The following GUCA1B variants were observed in gnomAD, a reference collection of about 807,000 sequenced individuals.
GUCA1B encodes the protein guanylate cyclase activator 1B.
GUCA1B carries 22 observed loss-of-function variants against 24.2 expected under a neutral mutation model. The observed-to-expected ratio is 0.91, with a 90% CI of 0.65 to 1.30. The LOEUF is 1.30. GUCA1B is among the 50% of genes most tolerant of loss of function. The pLI, the probability that GUCA1B is intolerant of heterozygous loss-of-function variation, is 0.00. For synonymous variants in GUCA1B, 100 were observed against 97.9 expected (o/e 1.02, Z -0.13); for missense variants, 221 against 258.8 (o/e 0.85, Z 1.00).
intron 1 of GUCA1B, among the ~76,000 whole-genome samples, chr6:42,190,671 G>C (rs1768289778): frequency 6.6e-6 from 1 of 152,140 alleles, no homozygotes; most frequent in Non-Finnish European, 1.5e-5. Context: ...AGGCCACCCA[G>C]CCAGCAAGTG....
chr6:42,192,276 C>T (rs1768318950), intron 1 of GUCA1B, among the ~76,000 whole-genome samples: 1 of 132,164 alleles, frequency 7.6e-6, no homozygotes, highest in East Asian at 2.6e-4. Flanking sequence ...ATCGCTTGAA[C>T]CTGGGAGGTG....
Position 42,192,541 on chromosome 6 carries a change from G to A in GUCA1B, c.207+2073C>T, listed in dbSNP as rs1298321727. Among the ~76,000 whole-genome samples the A allele has an allele frequency of 4.0e-5, 6 of 151,796 alleles. No individual in the cohort carries two copies. In the South Asian group the frequency reaches 6.3e-4, roughly 16 times the overall value. ...AGTCTGGTCAACATGGTGAAACCCC[G>A]TTTCTACTAAAAATACAAAAATTAG... On this transcript the variant is annotated intron_variant, in intron 1 of 3. Coordinates refer to ENST00000230361, the MANE Select transcript of GUCA1B (RefSeq NM_002098.6).
intron 3 of GUCA1B, 138 bp from the exon 4 acceptor site, chr6:42,185,080 G>A (rs928212238): frequency 1.5e-5 from 11 of 738,242 alleles, no homozygotes; most frequent in Non-Finnish European, 2.3e-5. Flanking sequence ...TCAAGCTTGC[G>A]GCTTGTCAGG....
chr6:42,185,633 C>T (rs373877550), intron 3 of GUCA1B, 47 bp downstream of exon 3: 26 of 1,155,202 alleles, frequency 2.3e-5, no homozygotes, highest in African/African-American at 1.5e-4. Context: ...CAGAAAGTGG[C>T]GATGATGCAG....
chr6:42,186,146 AGAG>A (rs1468019080), intron 2 of GUCA1B, among the ~76,000 whole-genome samples: 1 of 152,240 alleles, frequency 6.6e-6, no homozygotes, highest in East Asian at 1.9e-4. Context: ...ATAGAGATGC[AGAG>A]AAGAAAATTC....
chr6:42,192,052 GA>G (rs71545939), intron 1 of GUCA1B, among the ~76,000 whole-genome samples: 73,376 of 132,854 alleles, frequency 0.55, 21,167 homozygotes, highest in East Asian at 0.83. Flanking sequence ...AAAAAAAAAA[GA>G]AAAAAAAAAA....
intron 1 of GUCA1B, among the ~76,000 whole-genome samples, chr6:42,190,280 A>G (rs868349162): frequency 1.3e-5 from 2 of 151,656 alleles, no homozygotes; most frequent in Middle Eastern, 3.4e-3. Flanking sequence ...TTGAGGTCAG[A>G]TTATATTTAT....
In GUCA1B at chr6:42,184,326, C is replaced by T. The variant is rs1038695338; in HGVS notation, c.*489G>A. 4.1e-5 allele frequency: 9 copies of T among 217,770 alleles called. No individual in the cohort carries two copies. Among genetic ancestry groups the T allele is most frequent in the Admixed American group, 5.1e-5 (1 of 19,626 alleles). The allele number at this position is 217,770 out of a possible 1,614,324, so 13.5% of individuals were successfully genotyped here. On this transcript the variant is annotated 3_prime_UTR_variant, in exon 4 of 4. Transcript: ENST00000230361. ...CAGGATGGTCTCGATCTCCTGACCTCGTGATCTGCCCGCCTCGGCCTCCCA... is the reference window on the plus strand; with the variant it reads ...CAGGATGGTCTCGATCTCCTGACCTTGTGATCTGCCCGCCTCGGCCTCCCA...
At chr6:42,194,509 G>C (rs938349723) in intron 1 of GUCA1B, 105 bp downstream of exon 1, 2 of 778,884 alleles carry the variant, frequency 2.6e-6, no homozygotes, top group African/African-American at 3.4e-5. Flanking sequence ...AAGAAGAGCA[G>C]AGAAAGAGCC....
At chr6:42,191,710 G>A (rs578069145) in intron 1 of GUCA1B, among the ~76,000 whole-genome samples, 39 of 152,248 alleles carry the variant, frequency 2.6e-4, no homozygotes, top group Admixed American at 6.5e-4. Context: ...CTTACATGTT[G>A]CTTATTAATT....
At chr6:42,193,776 TAAG>T (rs1327988556) in intron 1 of GUCA1B, among the ~76,000 whole-genome samples, 3 of 152,318 alleles carry the variant, frequency 2.0e-5, no homozygotes, top group Admixed American at 1.3e-4. Flanking sequence ...CTTAGAAAGC[TAAG>T]TTCTCCACGC....
Position 42,184,377 on chromosome 6 carries a change from C to T in GUCA1B, c.*438G>A. ...AAGTGCTGGGATTACAGGCGTGAGC[C>T]ACCGTGCCCGGCAACTCCTGCCTTT... is the stretch of plus-strand genomic sequence containing the variant. On this transcript the variant is annotated 3_prime_UTR_variant, in exon 4 of 4. Transcript: ENST00000230361. 3.6e-6 allele frequency: 1 copy of T among 275,318 alleles called. No individual in the cohort carries two copies. The highest frequency in any genetic ancestry group is 4.4e-5 in the Admixed American group (1 of 22,506). The allele number at this position is 275,318 out of a possible 1,614,324, so 17.1% of individuals were successfully genotyped here.
chr6:42,188,507 C>T (rs1397824679), intron 2 of GUCA1B, 75 bp downstream of exon 2: 2 of 1,428,646 alleles, frequency 1.4e-6, no homozygotes, highest in African/African-American at 2.8e-5. Context: ...CCCCGCTGGC[C>T]ACTTGTGGCC....
chr6:42,189,344 G>A (rs1768262750), intron 1 of GUCA1B, among the ~76,000 whole-genome samples: 2 of 152,180 alleles, frequency 1.3e-5, no homozygotes, highest in East Asian at 3.8e-4. Flanking sequence ...GGAAAAGAGG[G>A]GTTGACATTG....
chr6:42,183,981 T>A lies in GUCA1B; in HGVS notation c.*834A>T, dbSNP rs1340444055. Among the ~76,000 whole-genome samples, 1 of 152,138 alleles carries A rather than the reference T, an allele frequency of 6.6e-6. No homozygotes were observed. Among genetic ancestry groups the A allele is most frequent in the Admixed American group, 6.5e-5 (1 of 15,276 alleles). On this transcript the variant is annotated 3_prime_UTR_variant, in exon 4 of 4. Transcript: ENST00000230361. ...TTCCTGTTGACACCACTGGTGAGGA[T>A]GCCTTGGGGAGGAGGAGGCCAGGGT...
rs35283316 is a variant in GUCA1B, at chr6:42,192,038, C to CA, written c.207+2575dup. ...CAAGTAAATGCAATGTATGATCATA[C>CA]AAAAAAAAAAAAAGAAAAAAAAAAA... is the stretch of plus-strand genomic sequence containing the variant. On this transcript the variant is annotated intron_variant, in intron 1 of 3. Coordinates refer to ENST00000230361, the MANE Select transcript of GUCA1B (RefSeq NM_002098.6). 3.1e-3 allele frequency among the ~76,000 whole-genome samples: 363 copies of CA among 116,880 alleles called. 1 individual carries two copies. The highest frequency in any genetic ancestry group is 9.8e-3 in the African/African-American group (278 of 28,314). The allele number at this position is 116,880 out of a possible 152,430, so 76.7% of individuals were successfully genotyped here. A position where few individuals can be genotyped will look rare whatever the true frequency, so the allele number is the denominator to read the frequency against.
intron 3 of GUCA1B, among the ~76,000 whole-genome samples, chr6:42,185,144 G>T (rs954827928): frequency 6.6e-6 from 1 of 152,230 alleles, no homozygotes; most frequent in African/African-American, 2.4e-5. Flanking sequence ...CTTTGCTGAT[G>T]AATTGAAGTT....
chr6:42,189,650 C>T (rs1450999944), intron 1 of GUCA1B, among the ~76,000 whole-genome samples: 7 of 152,142 alleles, frequency 4.6e-5, no homozygotes, highest in East Asian at 1.9e-4. Flanking sequence ...GGTTGGGGAG[C>T]GCAGAGCTCA....
Position 42,194,615 on chromosome 6 carries a change from C to A in GUCA1B, c.206G>T (p.Gly69Val). The A allele has an allele frequency of 1.2e-6, 2 of 1,603,770 alleles. No individual in the cohort carries two copies. The highest frequency in any genetic ancestry group is 1.7e-6 in the Non-Finnish European group (2 of 1,170,498). ...EGMFRAFDKN[G>V]DNTIDFLEYV... ...GTCCTTCCCTTCAGGGTGCCTTACC[C>A]CATTCTTGTCGAAGGCTCGGAACAT... Residue 69 changes from glycine to valine, a missense_variant and splice_region_variant, in exon 1 of 4, where the codon GGG (glycine) becomes GTG (valine). By Grantham distance (109) the Gly-to-Val change is moderately radical (BLOSUM62 -3). Transcript: ENST00000230361.
Sources: gnomAD v4.1 joint callset for allele counts (sites outside exome capture counted in the v4.1 genomes callset) on GRCh38, gnomAD v4.1.1 for gene constraint, MANE v1.5 for transcripts, NCBI Gene and HGNC (gene_info 2026-07-23, HGNC 2026-07-21) for gene names.